GNA13: variants seen among roughly 807,000 people sequenced by gnomAD.
The protein encoded by GNA13 is G protein subunit alpha 13, also known as guanine nucleotide-binding protein subunit alpha-13.
GNA13 carries 4 observed loss-of-function variants against 33.5 expected under a neutral mutation model. That is an observed-to-expected ratio of 0.12 (90% confidence interval 0.06 to 0.27). GNA13 has a LOEUF of 0.27. Ranked by LOEUF, GNA13 falls within the 10% of genes least tolerant of loss-of-function variation. The pLI, the probability that GNA13 is intolerant of heterozygous loss-of-function variation, is 1.00. For missense variants in GNA13, 319 were observed against 487.2 expected, an observed-to-expected ratio of 0.65 and a Z score of 3.25; for synonymous variants, 176 against 183.8, an observed-to-expected ratio of 0.96 and a Z score of 0.34.
chr17:65,027,563 G>A (rs867324247), intron 2 of GNA13, among the ~76,000 whole-genome samples: 1 of 152,018 alleles, frequency 6.6e-6, no homozygotes, highest in Non-Finnish European at 1.5e-5. Flanking sequence ...CTGTGTACTT[G>A]TTTTATTTCC....
chr17:65,018,856 T>G lies in GNA13; in HGVS notation c.511-553A>C, dbSNP rs560373616. ...CATCTCCAACAGGTCTTTTCCCGAG[T>G]GGCCTATCCTTTCTGAGCCCAGTTT... On this transcript the variant is annotated intron_variant, in intron 2 of 3. Transcript: ENST00000439174. Among the ~76,000 whole-genome samples, 29 of 152,230 alleles carry G rather than the reference T, an allele frequency of 1.9e-4. No homozygotes were observed. The South Asian group carries it at 5.8e-3, about 30-fold the overall frequency.
chr17:65,024,387 A>G (rs543147004), intron 2 of GNA13, among the ~76,000 whole-genome samples: 2 of 152,368 alleles, frequency 1.3e-5, no homozygotes, highest in Admixed American at 1.3e-4. Context: ...ATGCTAAAAC[A>G]TTGAATCCCA....
intron 1 of GNA13, 58 bp downstream of exon 1, chr17:65,056,253 C>CCG: frequency 9.0e-7 from 1 of 1,106,262 alleles, no homozygotes; most frequent in Non-Finnish European, 1.3e-6. Context: ...CGCCCCGCAC[C>CCG]CGCCGCCGCC....
chr17:65,046,753 G>C (rs1907679172), intron 2 of GNA13, among the ~76,000 whole-genome samples: 1 of 152,178 alleles, frequency 6.6e-6, no homozygotes, highest in African/African-American at 2.4e-5. Context: ...TGAAACTAAA[G>C]TCTACTTTTC....
intron 2 of GNA13, among the ~76,000 whole-genome samples, chr17:65,026,998 G>A (rs979553830): frequency 3.9e-5 from 6 of 152,106 alleles, no homozygotes; most frequent in East Asian, 1.9e-4. Flanking sequence ...GGCTGGTCTC[G>A]AACTCCCGGC....
chr17:65,035,487 G>C (rs1907209243), intron 2 of GNA13, among the ~76,000 whole-genome samples: 1 of 152,160 alleles, frequency 6.6e-6, no homozygotes, highest in Non-Finnish European at 1.5e-5. Flanking sequence ...TCCTGAGGTG[G>C]TAGGATAGTG....
intron 2 of GNA13, among the ~76,000 whole-genome samples, chr17:65,042,473 A>G (rs2143815719): frequency 6.6e-6 from 1 of 152,264 alleles, no homozygotes; most frequent in Admixed American, 6.5e-5. Flanking sequence ...ACGGTGGCTC[A>G]AGCCTATAAT....
At chr17:65,033,748 C>A (rs1346266981) in intron 2 of GNA13, among the ~76,000 whole-genome samples, 1 of 152,130 alleles carries the variant, frequency 6.6e-6, no homozygotes, top group Admixed American at 6.5e-5. Context: ...GGCTTGGTGG[C>A]TCACACCTGT....
intron 2 of GNA13, among the ~76,000 whole-genome samples, chr17:65,029,599 C>T (rs1906925095): frequency 7.7e-6 from 1 of 129,350 alleles, no homozygotes; most frequent in African/African-American, 2.6e-5. Flanking sequence ...TCATACTCTT[C>T]ACTCAATATC....
chr17:65,048,116 T>C (rs1907732384), intron 2 of GNA13, among the ~76,000 whole-genome samples: 1 of 152,230 alleles, frequency 6.6e-6, no homozygotes, highest in Non-Finnish European at 1.5e-5. Context: ...ATGCTGACAA[T>C]GTTAAACTGT....
At chr17:65,037,016 AT>A (rs1284507192) in intron 2 of GNA13, among the ~76,000 whole-genome samples, 1 of 152,220 alleles carries the variant, frequency 6.6e-6, no homozygotes, top group Non-Finnish European at 1.5e-5. Context: ...AGGGGCAGGT[AT>A]TCAGTACATG....
intron 2 of GNA13, among the ~76,000 whole-genome samples, chr17:65,051,541 G>A (rs1051892805): frequency 6.6e-6 from 1 of 152,132 alleles, no homozygotes; most frequent in Non-Finnish European, 1.5e-5. Flanking sequence ...CCTGAACCCA[G>A]GAGGCGGAGG....
At position 65,056,609 on chromosome 17, in the gene GNA13, G is replaced by GCCA. The variant is rs2143839137; in HGVS notation, c.-17_-16insTGG. 2 of 1,596,128 alleles carry GCCA rather than the reference G, an allele frequency of 1.3e-6. No individual in the cohort carries two copies. The highest frequency in any genetic ancestry group is 1.7e-6 in the Non-Finnish European group (2 of 1,175,374). On this transcript the variant is annotated 5_prime_UTR_variant, in exon 1 of 4. Transcript: ENST00000439174. ...AGTCCGCCATCTTGCCGCCGCCGCC[G>GCCA]CCGCCTCGGCGGGCCCCTCCGGCTC...
chr17:65,049,105 T>C (rs993002978), intron 2 of GNA13, among the ~76,000 whole-genome samples: 1 of 152,210 alleles, frequency 6.6e-6, no homozygotes, highest in Non-Finnish European at 1.5e-5. Flanking sequence ...TTATATTACA[T>C]ATTTTTTAAT....
intron 2 of GNA13, among the ~76,000 whole-genome samples, chr17:65,048,416 G>C (rs1041082771): frequency 2.0e-5 from 3 of 152,282 alleles, no homozygotes; most frequent in South Asian, 2.1e-4. Context: ...GCAGTGGCAG[G>C]CTATGTTGAA....
chr17:65,013,039 A>G lies in GNA13; in HGVS notation c.*1218T>C, dbSNP rs1366406637. On this transcript the variant is annotated 3_prime_UTR_variant, in exon 4 of 4. Coordinates refer to ENST00000439174, the MANE Select transcript of GNA13 (RefSeq NM_006572.6). ...TCATCTTTAGGTGCGAACTAAAAAA[A>G]TTACTACTGATCCTTAGAAGCATCC... is the stretch of plus-strand genomic sequence containing the variant. 4.6e-6 allele frequency: 1 copy of G among 215,180 alleles called. No individual in the cohort carries two copies. Among genetic ancestry groups the G allele is most frequent in the East Asian group, 6.9e-5 (1 of 14,594 alleles). 13.3% of individuals were successfully genotyped at this position (215,180 alleles called of 1,614,324 possible).
intron 2 of GNA13, among the ~76,000 whole-genome samples, chr17:65,045,404 CAATAACTTGGGAGGCT>C (rs1907621993): frequency 6.9e-6 from 1 of 144,488 alleles, no homozygotes; most frequent in Non-Finnish European, 1.5e-5. Context: ...CTTGTAGTCC[CAATAACTTGGGAGGCT>C]GGGTCAGGGC....
intron 1 of GNA13, 72 bp downstream of exon 1, chr17:65,056,239 G>GCCCGGCCCCCCCCCCC: frequency 8.5e-6 from 8 of 936,164 alleles, no homozygotes; most frequent in East Asian, 3.2e-5. Context: ...CCAGGGCGGT[G>GCCCGGCCCCCCCCCCC]CCCCGCCCCG....
At chr17:65,026,824 G>A (rs914167604) in intron 2 of GNA13, among the ~76,000 whole-genome samples, 1 of 152,152 alleles carries the variant, frequency 6.6e-6, no homozygotes, top group Non-Finnish European at 1.5e-5. Context: ...TGTTGCCCAG[G>A]CTGGGGTGCA....
Sources: allele counts gnomAD v4.1 joint callset (sites outside exome capture counted in the v4.1 genomes callset), GRCh38; gene constraint gnomAD v4.1.1; transcripts MANE v1.5; gene names NCBI Gene and HGNC (gene_info 2026-07-23, HGNC 2026-07-21).